PCDHA5: variants seen among roughly 807,000 people sequenced by gnomAD.
The protein encoded by PCDHA5 is protocadherin alpha 5, also known as protocadherin alpha-5.
Under a neutral mutation model 61.6 loss-of-function variants are expected in PCDHA5, and 43 were observed. The ratio of observed to expected loss-of-function variants is 0.70; its 90% CI spans 0.55 to 0.90. PCDHA5 has a LOEUF of 0.90. Among genes scored for constraint, PCDHA5 ranks in the 40% least tolerant of loss-of-function variants. The pLI, the probability that PCDHA5 is intolerant of heterozygous loss-of-function variation, is 0.00. For missense variants in PCDHA5, 1,298 were observed against 1,222.7 expected, an observed-to-expected ratio of 1.06 and a Z score of -0.92; for synonymous variants, 627 against 543.9, an observed-to-expected ratio of 1.15 and a Z score of -2.13.
At chr5:140,843,811 A>G (rs1388764041) in intron 1 of PCDHA5, 1 of 1,276,222 alleles carries the variant, frequency 7.8e-7, no homozygotes, top group Non-Finnish European at 1.1e-6. Context: ...CGTATTTTAT[A>G]GTGAAAATTT....
intron 1 of PCDHA5, chr5:140,869,243 G>T (rs1554162716): frequency 1.9e-6 from 3 of 1,613,544 alleles, no homozygotes; most frequent in Non-Finnish European, 2.5e-6. Context: ...TTCGTGGGCC[G>T]CATCGCGCAG....
chr5:140,849,758 C>T lies in PCDHA5; in HGVS notation c.2352+25631C>T, dbSNP rs150560525. ...TGGACCGCGAGAGTGTGTCCGCCTA[C>T]GAGCTGGTGGTTACCGCGCGGGACG... On this transcript the variant is annotated intron_variant, in intron 1 of 3. Transcript: ENST00000529859. 1.8e-4 allele frequency: 292 copies of T among 1,598,480 alleles called. 14 individuals are homozygous for T. The highest frequency in any genetic ancestry group is 1.6e-3 in the African/African-American group (121 of 74,466).
intron 1 of PCDHA5, among the ~76,000 whole-genome samples, chr5:140,901,586 T>C (rs550614771): frequency 9.2e-5 from 14 of 152,348 alleles, no homozygotes; most frequent in African/African-American, 3.4e-4. Context: ...AGTGCCATGA[T>C]GTTTTGGTTA....
chr5:140,871,004 G>A, intron 1 of PCDHA5: 1 of 1,613,408 alleles, frequency 6.2e-7, no homozygotes, highest in Non-Finnish European at 8.5e-7. Context: ...AGCACAACGC[G>A]TGCCCTGGAC....
At chr5:140,929,782 A>G (rs574140858) in intron 1 of PCDHA5, 12 of 168,464 alleles carry the variant, frequency 7.1e-5, no homozygotes, top group Non-Finnish European at 1.6e-4. Context: ...AGATGTAAAA[A>G]TAAATTACAA....
chr5:140,867,344 C>G (rs2049899948), intron 1 of PCDHA5: 1 of 152,034 alleles, frequency 6.6e-6, no homozygotes, highest in South Asian at 2.1e-4. Flanking sequence ...TTAGAGGCTA[C>G]TATGATTGAT....
At chr5:140,946,903 T>A (rs2094054259) in intron 1 of PCDHA5, among the ~76,000 whole-genome samples, 1 of 151,408 alleles carries the variant, frequency 6.6e-6, no homozygotes, top group African/African-American at 2.4e-5. Flanking sequence ...ATAGGAAGAA[T>A]AAGTTCTGGT....
rs1554128484 is a variant in PCDHA5, at chr5:140,822,175, A to G, written c.400A>G (p.Arg134Gly). The change falls in exon 1 of 4, where the codon AGA becomes GGA. Residue 134 changes from arginine (R) to glycine (G), a missense_variant. Transcript: ENST00000529859. ...DINDNPPRFS[R>G]QEQRLFILES... The stretch of plus-strand genomic sequence containing the variant: ...CAATGACAATCCGCCCAGGTTCTCC[A>G]GACAAGAACAAAGATTATTCATTTT... The G allele has an allele frequency of 6.2e-7, 1 of 1,614,258 alleles. No homozygotes were observed. The highest frequency in any genetic ancestry group is 1.7e-5 in the Admixed American group (1 of 60,032).
At position 140,979,027 on chromosome 5, in the gene PCDHA5, T is replaced by C. The variant is rs782016038; in HGVS notation, c.2411+20T>C. ...GCACAGGTATGTATTTCCCTCCTCA[T>C]TCACTCAGAAGTAACCTTAACTTGG... On this transcript the variant is annotated intron_variant, in intron 2 of 3. Coordinates refer to ENST00000529859, the MANE Select transcript of PCDHA5 (RefSeq NM_018908.3). The C allele has an allele frequency of 3.5e-5, 57 of 1,613,492 alleles. No homozygotes were observed. Among genetic ancestry groups the C allele is most frequent in the Non-Finnish European group, 4.4e-5 (52 of 1,179,754 alleles).
intron 1 of PCDHA5, chr5:140,876,892 A>G (rs782046911): frequency 1.2e-6 from 2 of 1,614,044 alleles, no homozygotes; most frequent in South Asian, 1.1e-5. Context: ...GGGCTGCCAC[A>G]TCTTCACGGT....
chr5:140,903,121 C>A (rs2070010801), intron 1 of PCDHA5, among the ~76,000 whole-genome samples: 2 of 152,188 alleles, frequency 1.3e-5, no homozygotes, highest in Non-Finnish European at 2.9e-5. Flanking sequence ...ACTTCTAAAT[C>A]TTTAAGAAAT....
chr5:140,821,807 C>A lies in PCDHA5; in HGVS notation c.32C>A (p.Ser11Tyr), dbSNP rs1291478949. 6.2e-7 allele frequency: 1 copy of A among 1,613,374 alleles called. No individual in the cohort carries two copies. The highest frequency in any genetic ancestry group is 1.3e-5 in the African/African-American group (1 of 74,920). MVYSRRGSLG[S>Y]RLLLLWLLLA... Reference sequence around the variant, plus strand: ...TATTCCCGGAGAGGAAGTCTGGGATCCCGGCTCCTGCTGCTCTGGCTTCTC... The same window carrying A: ...TATTCCCGGAGAGGAAGTCTGGGATACCGGCTCCTGCTGCTCTGGCTTCTC... The change falls in exon 1 of 4, where the codon TCC becomes TAC. Residue 11 changes from serine (S) to tyrosine (Y), a missense_variant. Transcript: ENST00000529859.
intron 1 of PCDHA5, chr5:140,857,107 T>C (rs1206126233): frequency 6.3e-7 from 1 of 1,597,628 alleles, no homozygotes; most frequent in Non-Finnish European, 8.6e-7. Flanking sequence ...TTGTCACTTC[T>C]CTGTCTCTCC....
chr5:140,976,354 C>A (rs1331334402), intron 1 of PCDHA5, among the ~76,000 whole-genome samples: 2 of 151,960 alleles, frequency 1.3e-5, no homozygotes, highest in Non-Finnish European at 2.9e-5. Context: ...TGTTCAAGAC[C>A]AGCCTGGCCA....
rs1412430465 is a variant in PCDHA5 at position 141,010,516 on chromosome 5, A to C, written c.*579A>C. On this transcript the variant is annotated 3_prime_UTR_variant, in exon 4 of 4. Transcript: ENST00000529859. ...CCAGACTTTCTAAATCTTACAACTC[A>C]AGAGGTGGCAGCCACCCTCTAGGAG... 4.2e-6 allele frequency: 2 copies of C among 477,698 alleles called. No individual in the cohort carries two copies. The highest frequency in any genetic ancestry group is 7.8e-5 in the Admixed American group (2 of 25,754). The allele number at this position is 477,698 out of a possible 1,614,324, so 29.6% of individuals were successfully genotyped here.
intron 1 of PCDHA5, chr5:140,870,941 C>T: frequency 6.2e-7 from 1 of 1,613,712 alleles, no homozygotes; most frequent in Non-Finnish European, 8.5e-7. Context: ...TTGCAGCCGG[C>T]GGCGGGCGGC....
At chr5:140,917,324 C>CGGGGGGGGG (rs1299895515) in intron 1 of PCDHA5, among the ~76,000 whole-genome samples, 1 of 76,048 alleles carries the variant, frequency 1.3e-5, no homozygotes, top group Non-Finnish European at 2.9e-5. Context: ...GTTCATGTGG[C>CGGGGGGGGG]GGGGGAGGGG....
intron 1 of PCDHA5, chr5:140,875,980 T>A: frequency 6.2e-7 from 1 of 1,614,062 alleles, no homozygotes; most frequent in East Asian, 2.2e-5. Context: ...TCTTTTGACC[T>A]ATGCGTTAAG....
At position 140,900,403 on chromosome 5, in the gene PCDHA5, A is replaced by G. The variant is rs569079456; in HGVS notation, c.2352+76276A>G. ...AGCGATTCTCCTGCCTCAGCCTCCC[A>G]AGTAGCTGGGATTATAGGCACGTGC... On this transcript the variant is annotated intron_variant, in intron 1 of 3. Coordinates refer to ENST00000529859, the MANE Select transcript of PCDHA5 (RefSeq NM_018908.3). 2.4e-3 allele frequency among the ~76,000 whole-genome samples: 360 copies of G among 152,066 alleles called. 1 individual carries two copies. Among genetic ancestry groups the G allele is most frequent in the African/African-American group, 8.1e-3 (336 of 41,500 alleles).
Sources: allele counts gnomAD v4.1 joint callset (sites outside exome capture counted in the v4.1 genomes callset), GRCh38; gene constraint gnomAD v4.1.1; transcripts MANE v1.5; gene names NCBI Gene and HGNC (gene_info 2026-07-23, HGNC 2026-07-21).